Variants in MNAT1 observed in about 807,000 individuals in gnomAD.
The protein encoded by MNAT1 is CDK-activating kinase assembly factor MAT1.
MNAT1 carries 43 observed loss-of-function variants against 42.0 expected under a neutral mutation model. The ratio of observed to expected loss-of-function variants is 1.02; its 90% CI spans 0.80 to 1.32. The LOEUF is 1.32. Among genes scored for constraint, MNAT1 ranks in the 40% most tolerant of loss-of-function variants. MNAT1 has a pLI of 0.00. For synonymous variants in MNAT1, 118 were observed against 120.0 expected, an observed-to-expected ratio of 0.98 and a Z score of 0.11; for missense variants, 306 against 350.4, an observed-to-expected ratio of 0.87 and a Z score of 1.01.
chr14:60,907,782 C>CAAAAA (rs71114166), intron 7 of MNAT1, among the ~76,000 whole-genome samples: 1 of 77,524 alleles, frequency 1.3e-5, no homozygotes. Flanking sequence ...AACTGTGTCT[C>CAAAAA]AAAAAAAAAA....
At position 60,734,972 on chromosome 14, in the gene MNAT1, T is replaced by C; in HGVS notation, c.89+21T>C. ...ACTCTGTGAGTTGGGCGGCAGTGGA[T>C]TCCCTGGGGGAGAGACGCGCTGGGT... On this transcript the variant is annotated intron_variant, in intron 1 of 7. Transcript: ENST00000261245. This position sits in a 1 kb window ranked among gnomAD's most constrained non-coding sequence, Gnocchi z 4.3. The C allele has an allele frequency of 6.2e-7, 1 of 1,612,210 alleles. No individual in the cohort carries two copies. Among genetic ancestry groups the C allele is most frequent in the Non-Finnish European group, 8.5e-7 (1 of 1,178,274 alleles).
At chr14:60,953,895 C>T (rs1418139370) in intron 7 of MNAT1, among the ~76,000 whole-genome samples, 2 of 152,072 alleles carry the variant, frequency 1.3e-5, no homozygotes, top group East Asian at 3.9e-4. Context: ...AAAGTTTTTT[C>T]ACATACCTTT....
chr14:60,810,861 T>C (rs1334251152), intron 4 of MNAT1, among the ~76,000 whole-genome samples: 1 of 152,166 alleles, frequency 6.6e-6, no homozygotes, highest in Non-Finnish European at 1.5e-5. Context: ...CTGTTAGTTG[T>C]TATAACAGAA....
At chr14:60,902,702 T>A (rs1273890245) in intron 7 of MNAT1, among the ~76,000 whole-genome samples, 2 of 152,156 alleles carry the variant, frequency 1.3e-5, no homozygotes, top group Non-Finnish European at 2.9e-5. Context: ...CAGAGAAGAA[T>A]GGGCATTTAA....
intron 1 of MNAT1, among the ~76,000 whole-genome samples, chr14:60,762,266 T>G (rs1242657160): frequency 6.6e-6 from 1 of 152,230 alleles, no homozygotes; most frequent in Non-Finnish European, 1.5e-5. Flanking sequence ...TATTTATTGC[T>G]TTCTGGGCAA....
At chr14:60,915,412 A>G (rs4151350) in intron 7 of MNAT1, among the ~76,000 whole-genome samples, 1,957 of 152,276 alleles carry the variant, frequency 0.013, 44 homozygotes, top group African/African-American at 0.045. Context: ...GCTGAGCCAC[A>G]TATTTTAAAC....
At chr14:60,754,171 A>C (rs2030225179) in intron 1 of MNAT1, among the ~76,000 whole-genome samples, 1 of 152,230 alleles carries the variant, frequency 6.6e-6, no homozygotes, top group Non-Finnish European at 1.5e-5. Context: ...ATTTTGTGAG[A>C]TAATAAATTG....
chr14:60,875,107 C>T (rs1346963672), intron 6 of MNAT1, among the ~76,000 whole-genome samples: 1 of 152,034 alleles, frequency 6.6e-6, no homozygotes, highest in African/African-American at 2.4e-5. Context: ...GTTTATTTCT[C>T]TCTAAATGTT....
At position 60,796,282 on chromosome 14, in the gene MNAT1, C is replaced by T; in HGVS notation, c.155C>T (p.Pro52Leu). The T allele has an allele frequency of 6.2e-7, 1 of 1,613,582 alleles. No individual in the cohort carries two copies. ...GAGNCPECGTPLRKSNFRVQL... is the reference protein window; with the variant it reads ...GAGNCPECGTLLRKSNFRVQL... ...GGAAACTGCCCTGAGTGTGGTACTC[C>T]ACTCAGAAAGAGCAACTTCAGGGTA... Residue 52 changes from proline (P) to leucine (L), a missense_variant, in exon 2 of 8, where the codon CCA (proline) becomes CTA (leucine). Around this residue, in one of 3 missense-constraint regions of MNAT1, gnomAD observed 72 missense variants for 111.0 expected, o/e 0.65. Transcript: ENST00000261245.
Position 60,799,640 on chromosome 14 carries a change from T to C in MNAT1, c.316+1480T>C, listed in dbSNP as rs567683417. Among the ~76,000 whole-genome samples, 15 of 151,882 alleles carry C rather than the reference T, an allele frequency of 9.9e-5. 1 individual carries two copies. In the East Asian group the frequency reaches 2.9e-3, roughly 29 times the overall value. On this transcript the variant is annotated intron_variant, in intron 3 of 7. Transcript: ENST00000261245. ...GAAGGTGAGGAATAGGTTTAGGGGA[T>C]GAACTACAAGGAGATCTTGATTCTG...
intron 3 of MNAT1, among the ~76,000 whole-genome samples, chr14:60,806,077 G>C (rs1483106190): frequency 6.6e-6 from 1 of 152,120 alleles, no homozygotes; most frequent in African/African-American, 2.4e-5. Context: ...TAATAGGAGT[G>C]CCTTAGAAGT....
chr14:60,858,384 T>C (rs2034012861), intron 6 of MNAT1, among the ~76,000 whole-genome samples: 1 of 152,050 alleles, frequency 6.6e-6, no homozygotes, highest in Admixed American at 6.6e-5. Flanking sequence ...TTTTGAGAAG[T>C]GTCTGTTCTT....
At chr14:60,935,892 C>T (rs774735338) in intron 7 of MNAT1, among the ~76,000 whole-genome samples, 3 of 152,194 alleles carry the variant, frequency 2.0e-5, no homozygotes, top group Non-Finnish European at 4.4e-5. Context: ...TCTTGTCACG[C>T]AACCAGGGAA....
intron 3 of MNAT1, among the ~76,000 whole-genome samples, chr14:60,805,206 G>A (rs1207323111): frequency 1.2e-5 from 1 of 86,060 alleles, no homozygotes; most frequent in Non-Finnish European, 2.5e-5. Flanking sequence ...TACCAGATGA[G>A]AAGTTTTTTC....
intron 6 of MNAT1, among the ~76,000 whole-genome samples, chr14:60,837,298 T>A (rs2033419314): frequency 6.6e-6 from 1 of 152,208 alleles, no homozygotes; most frequent in Non-Finnish European, 1.5e-5. Flanking sequence ...TAGCTCAGTG[T>A]CTGCCCAAAT....
At chr14:60,885,750 T>C (rs1341535958) in intron 7 of MNAT1, among the ~76,000 whole-genome samples, 1 of 152,092 alleles carries the variant, frequency 6.6e-6, no homozygotes, top group Non-Finnish European at 1.5e-5. Flanking sequence ...TTTCCTTTGT[T>C]GTCTAGAGCT....
chr14:60,845,305 T>C (rs1183473676), intron 6 of MNAT1, among the ~76,000 whole-genome samples: 3 of 152,024 alleles, frequency 2.0e-5, no homozygotes. Flanking sequence ...TACTCAGCTT[T>C]TCTCTATTTT....
intron 6 of MNAT1, among the ~76,000 whole-genome samples, chr14:60,843,685 T>G (rs2033608611): frequency 6.6e-6 from 1 of 152,244 alleles, no homozygotes. Flanking sequence ...TTACAATGTG[T>G]TGAACATAAG....
At chr14:60,913,933 C>T (rs1018926201) in intron 7 of MNAT1, among the ~76,000 whole-genome samples, 1 of 152,238 alleles carries the variant, frequency 6.6e-6, no homozygotes, top group African/African-American at 2.4e-5. Flanking sequence ...GTAGAGCCTA[C>T]AGAGGCAGTC....
Sources: gnomAD v4.1 joint callset for allele counts (sites outside exome capture counted in the v4.1 genomes callset) on GRCh38, gnomAD v4.1.1 for gene constraint, gnomAD v4.1.1 regional missense constraint, Gnocchi (gnomAD v3.1) non-coding constraint, MANE v1.5 for transcripts, NCBI Gene and HGNC (gene_info 2026-07-23, HGNC 2026-07-21) for gene names.